The following SLC2A13 variants were observed in gnomAD, a reference collection of about 807,000 sequenced individuals.
The protein encoded by SLC2A13 is solute carrier family 2 member 13, also known as proton myo-inositol cotransporter.
Under a neutral mutation model 64.4 loss-of-function variants are expected in SLC2A13, and 32 were observed. That is an observed-to-expected ratio of 0.50 (90% CI 0.37 to 0.67). The LOEUF (loss-of-function observed/expected upper bound fraction) is 0.67, where lower values mean the gene tolerates loss of function less well. Ranked by LOEUF, SLC2A13 falls within the 30% of genes least tolerant of loss-of-function variation. The pLI is 0.00. For synonymous variants in SLC2A13, 338 were observed against 327.1 expected (o/e 1.03, Z -0.36); for missense variants, 743 against 829.2 (o/e 0.90, Z 1.28).
At chr12:39,811,297 A>G (rs755340618) in intron 7 of SLC2A13, among the ~76,000 whole-genome samples, 80 of 151,544 alleles carry the variant, frequency 5.3e-4, no homozygotes, top group Non-Finnish European at 5.9e-4. Flanking sequence ...TTGCTTTTAC[A>G]TTTTCTATTT....
intron 3 of SLC2A13, among the ~76,000 whole-genome samples, chr12:39,999,542 T>TG (rs1947290210): frequency 6.6e-6 from 1 of 152,158 alleles, no homozygotes; most frequent in African/African-American, 2.4e-5. Flanking sequence ...CTAATTAGGG[T>TG]GGGAAAAAAA....
At chr12:40,097,808 G>C (rs1418076992) in intron 1 of SLC2A13, among the ~76,000 whole-genome samples, 2 of 152,008 alleles carry the variant, frequency 1.3e-5, no homozygotes, top group Admixed American at 6.6e-5. Context: ...ATGGAAAATG[G>C]GATAGAAGTT....
At chr12:39,969,019 A>G (rs1263868664) in intron 3 of SLC2A13, among the ~76,000 whole-genome samples, 1 of 151,862 alleles carries the variant, frequency 6.6e-6, no homozygotes, top group African/African-American at 2.4e-5. Flanking sequence ...TCATTGTTCA[A>G]TTCCCATCTA....
chr12:40,084,031 A>G (rs957589743), intron 1 of SLC2A13, among the ~76,000 whole-genome samples: 1 of 152,232 alleles, frequency 6.6e-6, no homozygotes, highest in Non-Finnish European at 1.5e-5. Context: ...ACAAGTATAG[A>G]TTTGGGAGGC....
chr12:39,869,152 C>G (rs1943979843), intron 5 of SLC2A13, among the ~76,000 whole-genome samples: 1 of 152,078 alleles, frequency 6.6e-6, no homozygotes, highest in South Asian at 2.1e-4. Context: ...CAAAAACACA[C>G]TGAAATAAAA....
At chr12:39,913,930 G>A (rs1287903394) in intron 4 of SLC2A13, among the ~76,000 whole-genome samples, 1 of 151,894 alleles carries the variant, frequency 6.6e-6, no homozygotes, top group Admixed American at 6.6e-5. Context: ...AAGAATATAT[G>A]AATATTTTAT....
intron 7 of SLC2A13, among the ~76,000 whole-genome samples, chr12:39,803,350 A>C (rs1169430034): frequency 2.6e-5 from 4 of 152,194 alleles, no homozygotes; most frequent in Admixed American, 6.5e-5. Context: ...ATCAGTAGCC[A>C]GTAGATGACA....
In SLC2A13 at chr12:39,809,236, T is replaced by C. The variant is rs147034363; in HGVS notation, c.1445+20867A>G. Among the ~76,000 whole-genome samples the C allele has an allele frequency of 4.7e-4, 71 of 152,288 alleles. No homozygotes were observed. In the East Asian group the frequency reaches 0.013, roughly 29 times the overall value. On this transcript the variant is annotated intron_variant, in intron 7 of 9. Coordinates refer to ENST00000280871, the MANE Select transcript of SLC2A13 (RefSeq NM_052885.4). ...AATCAATTGGCCATGCATATATGGA[T>C]CTATTTCTGGACTTTATTCTGTTCC...
intron 9 of SLC2A13, among the ~76,000 whole-genome samples, chr12:39,761,496 A>G (rs1196328181): frequency 6.6e-6 from 1 of 152,100 alleles, no homozygotes; most frequent in Admixed American, 6.6e-5. Context: ...AGATTGTTAA[A>G]TTCTACTAAA....
intron 3 of SLC2A13, among the ~76,000 whole-genome samples, chr12:39,971,972 G>C (rs1429011254): frequency 1.4e-5 from 1 of 71,232 alleles, no homozygotes; most frequent in Non-Finnish European, 2.9e-5. Flanking sequence ...GATGGAGCAA[G>C]AGTGTCTCCA....
Position 40,057,136 on chromosome 12 carries a change from A to G in SLC2A13, c.557-8926T>C, listed in dbSNP as rs193054839. Among the ~76,000 whole-genome samples, 4 of 152,312 alleles carry G rather than the reference A, an allele frequency of 2.6e-5. No homozygotes were observed. In the East Asian group the frequency reaches 5.8e-4, roughly 22 times the overall value. ...CGAATTTAATAGCAGAATACATAAT[A>G]ATAACAAAAGTAAACCCCATACTGG... On this transcript the variant is annotated intron_variant, in intron 1 of 9. Coordinates refer to ENST00000280871, the MANE Select transcript of SLC2A13 (RefSeq NM_052885.4).
intron 2 of SLC2A13, among the ~76,000 whole-genome samples, chr12:40,038,292 G>A (rs1948023040): frequency 6.6e-6 from 1 of 152,122 alleles, no homozygotes; most frequent in Non-Finnish European, 1.5e-5. Flanking sequence ...AAGATTTGCA[G>A]CTTTTTCTGG....
chr12:40,083,300 A>C (rs1938475622), intron 1 of SLC2A13, among the ~76,000 whole-genome samples: 1 of 152,018 alleles, frequency 6.6e-6, no homozygotes, highest in Non-Finnish European at 1.5e-5. Flanking sequence ...TCTGGCCCCT[A>C]GGGTCCTCTT....
intron 6 of SLC2A13, among the ~76,000 whole-genome samples, chr12:39,840,382 A>T (rs370138951): frequency 5.7e-4 from 87 of 151,878 alleles, no homozygotes; most frequent in African/African-American, 1.9e-3. Context: ...ACCTGATCAG[A>T]TTTCTCTGCT....
intron 2 of SLC2A13, among the ~76,000 whole-genome samples, chr12:40,043,901 G>A (rs1948133045): frequency 6.6e-6 from 1 of 152,104 alleles, no homozygotes; most frequent in African/African-American, 2.4e-5. Context: ...TTGTGGGAAT[G>A]CAAAATAATA....
In SLC2A13 at chr12:39,955,520, T is replaced by G. The variant is rs141397761; in HGVS notation, c.926-4155A>C. Among the ~76,000 whole-genome samples the G allele has an allele frequency of 1.1e-3, 161 of 152,232 alleles. No individual in the cohort carries two copies. In the East Asian group the frequency reaches 0.025, roughly 24 times the overall value. ...AAAAATCCATAAAACCAAAATTGTT[T>G]TTTTAAGACCAATAAAATTGATAAG... On this transcript the variant is annotated intron_variant, in intron 3 of 9. Transcript: ENST00000280871.
Position 39,803,336 on chromosome 12 carries a change from C to T in SLC2A13, c.1445+26767G>A, listed in dbSNP as rs1011109028. On this transcript the variant is annotated intron_variant, in intron 7 of 9. Transcript: ENST00000280871. ...CAAAATGCATGAGGAAACAATCTAC[C>T]GTGATCAGTAGCCAGTAGATGACAG... Among the ~76,000 whole-genome samples the T allele has an allele frequency of 3.9e-5, 6 of 152,086 alleles. No homozygotes were observed. The East Asian group carries it at 7.7e-4, about 20-fold the overall frequency.
chr12:40,023,293 T>G (rs1338923567), intron 3 of SLC2A13, among the ~76,000 whole-genome samples: 1 of 152,098 alleles, frequency 6.6e-6, no homozygotes, highest in African/African-American at 2.4e-5. Context: ...CACTTCAGAG[T>G]GGAGAGGAGG....
intron 3 of SLC2A13, among the ~76,000 whole-genome samples, chr12:39,996,695 G>A (rs1446207424): frequency 6.6e-6 from 1 of 152,236 alleles, no homozygotes; most frequent in Non-Finnish European, 1.5e-5. Flanking sequence ...CGTGGCTTCA[G>A]AGGGTGCAAT....
Sources: gnomAD v4.1 joint callset for allele counts (sites outside exome capture counted in the v4.1 genomes callset) on GRCh38, gnomAD v4.1.1 for gene constraint, MANE v1.5 for transcripts, NCBI Gene and HGNC (gene_info 2026-07-23, HGNC 2026-07-21) for gene names.